PPFIA2: variants seen among roughly 807,000 people sequenced by gnomAD.
PPFIA2 encodes the protein liprin-alpha-2.
Under a neutral mutation model 175.5 loss-of-function variants are expected in PPFIA2, and 46 were observed. The ratio of observed to expected loss-of-function variants is 0.26; its 90% CI spans 0.21 to 0.34. The LOEUF is 0.34. PPFIA2 is among the 10% of genes least tolerant of loss of function. The pLI, the probability that PPFIA2 is intolerant of heterozygous loss-of-function variation, is 1.00. For missense variants in PPFIA2, 1,179 were observed against 1,506.1 expected, an observed-to-expected ratio of 0.78 and a Z score of 3.60; for synonymous variants, 568 against 511.4, an observed-to-expected ratio of 1.11 and a Z score of -1.49.
At chr12:81,351,684 G>A (rs1038582225) in intron 17 of PPFIA2, among the ~76,000 whole-genome samples, 1 of 149,192 alleles carries the variant, frequency 6.7e-6, no homozygotes, top group African/African-American at 2.5e-5. Context: ...GATCATTAGA[G>A]CCCAGGAGTT....
At chr12:81,713,012 A>C (rs2078144525) in intron 3 of PPFIA2, among the ~76,000 whole-genome samples, 2 of 151,200 alleles carry the variant, frequency 1.3e-5, no homozygotes, top group Admixed American at 1.4e-4. Context: ...GTCACGATTA[A>C]CTTTTTTCAT....
At chr12:81,542,564 C>T (rs1463722969) in intron 4 of PPFIA2, among the ~76,000 whole-genome samples, 2 of 152,094 alleles carry the variant, frequency 1.3e-5, no homozygotes, top group Admixed American at 6.6e-5. Context: ...AATGGGACCC[C>T]AGTAACAAAG....
chr12:81,336,872 G>A (rs1197725425), intron 21 of PPFIA2, among the ~76,000 whole-genome samples: 1 of 152,084 alleles, frequency 6.6e-6, no homozygotes, highest in Non-Finnish European at 1.5e-5. Context: ...GAATTTTCCA[G>A]ATCAAGACAT....
intron 4 of PPFIA2, among the ~76,000 whole-genome samples, chr12:81,609,595 G>A (rs764224277): frequency 7.9e-5 from 12 of 152,098 alleles, no homozygotes; most frequent in African/African-American, 2.9e-4. Flanking sequence ...AAATAGGGAC[G>A]CTTTCTCTTT....
chr12:81,260,473 G>A (rs1275494446), intron 32 of PPFIA2: 2 of 152,100 alleles, frequency 1.3e-5, no homozygotes, highest in Admixed American at 6.6e-5. Flanking sequence ...AATGCTATGT[G>A]TAGAATCTAA....
At chr12:81,561,034 T>C (rs912917498) in intron 4 of PPFIA2, among the ~76,000 whole-genome samples, 7 of 152,180 alleles carry the variant, frequency 4.6e-5, no homozygotes, top group African/African-American at 1.7e-4. Context: ...TGTGTATTTA[T>C]ATATAATCTT....
At chr12:81,481,003 CA>C (rs902660970) in intron 4 of PPFIA2, among the ~76,000 whole-genome samples, 2 of 152,056 alleles carry the variant, frequency 1.3e-5, no homozygotes, top group East Asian at 1.9e-4. Flanking sequence ...ACAGTCTCAG[CA>C]AAAAAATCTC....
intron 3 of PPFIA2, among the ~76,000 whole-genome samples, chr12:81,689,899 C>T (rs2075014513): frequency 6.6e-6 from 1 of 152,086 alleles, no homozygotes; most frequent in African/African-American, 2.4e-5. Context: ...AGTGCAGTGG[C>T]AAAGTCTGGA....
At chr12:81,727,267 T>C (rs929649454) in intron 3 of PPFIA2, among the ~76,000 whole-genome samples, 5 of 151,350 alleles carry the variant, frequency 3.3e-5, no homozygotes, top group African/African-American at 1.2e-4. Flanking sequence ...TCTGAATTCA[T>C]AGTACTAGGA....
intron 28 of PPFIA2, among the ~76,000 whole-genome samples, chr12:81,273,322 A>C (rs1468948251): frequency 6.6e-6 from 1 of 151,908 alleles, no homozygotes; most frequent in East Asian, 1.9e-4. Flanking sequence ...AATCCCCACC[A>C]CCACCCCACT....
At chr12:81,275,318 G>C (rs948597541) in intron 28 of PPFIA2, among the ~76,000 whole-genome samples, 6 of 152,184 alleles carry the variant, frequency 3.9e-5, no homozygotes, top group Admixed American at 3.9e-4. Context: ...AGTGTTACAA[G>C]AAATCCATTG....
chr12:81,401,241 T>C (rs2042045116), intron 8 of PPFIA2, among the ~76,000 whole-genome samples: 1 of 152,190 alleles, frequency 6.6e-6, no homozygotes, highest in South Asian at 2.1e-4. Context: ...AAATATTTAT[T>C]TGATTGAAAA....
chr12:81,652,556 A>G (rs1368682535), intron 4 of PPFIA2, among the ~76,000 whole-genome samples: 2 of 152,066 alleles, frequency 1.3e-5, no homozygotes, highest in African/African-American at 4.8e-5. Context: ...TATATCAATT[A>G]CTGTGGGGCA....
chr12:81,618,474 T>A (rs2061641011), intron 4 of PPFIA2, among the ~76,000 whole-genome samples: 2 of 151,778 alleles, frequency 1.3e-5, no homozygotes, highest in African/African-American at 4.8e-5. Flanking sequence ...GTATTATTTC[T>A]GAATAATTAA....
intron 13 of PPFIA2, 110 bp from the exon 14 acceptor site, chr12:81,367,280 T>G: frequency 1.3e-6 from 1 of 750,570 alleles, no homozygotes; most frequent in Non-Finnish European, 1.8e-6. Flanking sequence ...CCTTCCTTAG[T>G]TCAGGTATTT....
intron 4 of PPFIA2, among the ~76,000 whole-genome samples, chr12:81,518,701 A>ATATC (rs961702670): frequency 6.6e-6 from 1 of 152,142 alleles, no homozygotes; most frequent in African/African-American, 2.4e-5. Flanking sequence ...ATTTTTTATA[A>ATATC]TATCTATCTA....
chr12:81,418,245 T>G (rs770785095), intron 7 of PPFIA2, among the ~76,000 whole-genome samples: 35 of 151,858 alleles, frequency 2.3e-4, no homozygotes, highest in Admixed American at 1.4e-3. Flanking sequence ...GCCTTCTATT[T>G]CCAGAGTAGA....
intron 12 of PPFIA2, 116 bp downstream of exon 12, chr12:81,368,995 G>C (rs2034348649): frequency 7.9e-6 from 10 of 1,272,996 alleles, no homozygotes; most frequent in Non-Finnish European, 1.1e-5. Flanking sequence ...CAAGTCAACA[G>C]GTCATATTTG....
At chr12:81,289,090 G>T (rs553012069) in intron 24 of PPFIA2, among the ~76,000 whole-genome samples, 2 of 151,872 alleles carry the variant, frequency 1.3e-5, no homozygotes, top group South Asian at 2.1e-4. Flanking sequence ...GCCCATTTGT[G>T]AAACAGCTAT....
Sources: gnomAD v4.1 joint callset for allele counts (sites outside exome capture counted in the v4.1 genomes callset) on GRCh38, gnomAD v4.1.1 for gene constraint, MANE v1.5 for transcripts, NCBI Gene and HGNC (gene_info 2026-07-23, HGNC 2026-07-21) for gene names.